Variants in LIN9 observed in about 807,000 individuals in gnomAD.
The protein encoded by LIN9 is protein lin-9 homolog.
Under a neutral mutation model 78.0 loss-of-function variants are expected in LIN9, and 18 were observed. The ratio of observed to expected loss-of-function variants is 0.23; its 90% CI spans 0.16 to 0.34. LIN9 has a LOEUF of 0.34. Ranked by LOEUF, LIN9 falls within the 10% of genes least tolerant of loss-of-function variation. LIN9 has a pLI of 1.00. For missense variants in LIN9, 451 were observed against 644.1 expected (o/e 0.70, Z 3.25); for synonymous variants, 192 against 215.2 (o/e 0.89, Z 0.94).
intron 12 of LIN9, among the ~76,000 whole-genome samples, chr1:226,234,137 C>T (rs1657531911): frequency 1.3e-5 from 2 of 152,232 alleles, no homozygotes; most frequent in South Asian, 4.2e-4. Flanking sequence ...TAAGTGTCTG[C>T]CAGATTTCCC....
chr1:226,303,641 T>C (rs1558211967), intron 1 of LIN9, among the ~76,000 whole-genome samples: 1 of 152,248 alleles, frequency 6.6e-6, no homozygotes. Context: ...AGTCTCACTC[T>C]GTCACCCAGG....
At chr1:226,266,392 A>C (rs570997801) in intron 8 of LIN9, 60 bp from the exon 9 acceptor site, 4 of 1,430,688 alleles carry the variant, frequency 2.8e-6, no homozygotes. Context: ...TAAGCTTTAT[A>C]ATCATTGTAT....
chr1:226,262,345 C>G (rs982038852), intron 10 of LIN9, among the ~76,000 whole-genome samples: 6 of 152,196 alleles, frequency 3.9e-5, no homozygotes, highest in Non-Finnish European at 8.8e-5. Flanking sequence ...AAAAGACAAG[C>G]CACAGACTGG....
intron 14 of LIN9, 25 bp downstream of exon 14, chr1:226,233,071 G>C: frequency 7.4e-7 from 1 of 1,348,638 alleles, no homozygotes; most frequent in South Asian, 1.3e-5. Context: ...ACATTAAAAT[G>C]ATTAGAGTAT....
upstream of LIN9, chr1:226,309,681 C>T (rs187594887): frequency 2.0e-5 from 26 of 1,283,360 alleles, no homozygotes; most frequent in African/African-American, 2.9e-4. Context: ...TTCCCGAGAC[C>T]GCCGGCCGCA....
intron 4 of LIN9, among the ~76,000 whole-genome samples, chr1:226,288,924 T>C (rs995554977): frequency 3.3e-5 from 5 of 151,938 alleles, no homozygotes; most frequent in Admixed American, 6.6e-5. Context: ...CATGGAAAAA[T>C]AAATGCACAA....
At chr1:226,300,142 T>C (rs1030543958) in intron 2 of LIN9, among the ~76,000 whole-genome samples, 1 of 152,116 alleles carries the variant, frequency 6.6e-6, no homozygotes, top group African/African-American at 2.4e-5. Flanking sequence ...TTCACCTTGT[T>C]AGCCAGGCTA....
At chr1:226,266,526 A>T (rs1420303562) in intron 8 of LIN9, among the ~76,000 whole-genome samples, 194 bp from the exon 9 acceptor site, 2 of 150,770 alleles carry the variant, frequency 1.3e-5, no homozygotes, top group African/African-American at 4.9e-5. Flanking sequence ...CTTGAAACAG[A>T]GTATGAAAAC....
chr1:226,263,520 TGTA>T (rs1443085844), intron 10 of LIN9, among the ~76,000 whole-genome samples: 3 of 152,132 alleles, frequency 2.0e-5, no homozygotes, highest in Admixed American at 2.0e-4. Flanking sequence ...TTAGACATAG[TGTA>T]GTAGTACTTA....
At position 226,231,869 on chromosome 1, in the gene LIN9, T is replaced by C. The variant is rs1657357798; in HGVS notation, c.*632A>G. On this transcript the variant is annotated 3_prime_UTR_variant, in exon 15 of 15. Transcript: ENST00000681046. ...TTTCAACAAACAACAAAGGTTTCTT[T>C]TATATGTTATGATAAATTAAAATAT... The C allele has an allele frequency of 6.9e-6, 2 of 291,704 alleles. No homozygotes were observed. The highest frequency in any genetic ancestry group is 5.0e-5 in the Admixed American group (1 of 20,146). 18.1% of individuals were successfully genotyped at this position (291,704 alleles called of 1,614,324 possible).
intron 10 of LIN9, among the ~76,000 whole-genome samples, chr1:226,254,950 G>A (rs1185477124): frequency 3.4e-5 from 5 of 147,256 alleles, no homozygotes; most frequent in African/African-American, 1.0e-4. Context: ...ACACTTCTTA[G>A]ATCTCTAAGA....
At chr1:226,302,170 G>A (rs1297696878) in intron 1 of LIN9, among the ~76,000 whole-genome samples, 2 of 152,166 alleles carry the variant, frequency 1.3e-5, no homozygotes, top group African/African-American at 4.8e-5. Context: ...TTCTGTTGCA[G>A]GTAACCCACT....
chr1:226,284,234 G>C (rs1303367168), intron 6 of LIN9, among the ~76,000 whole-genome samples: 4 of 152,022 alleles, frequency 2.6e-5, no homozygotes, highest in African/African-American at 9.7e-5. Context: ...ATCTGTGACT[G>C]TATCTGGATT....
At chr1:226,251,460 T>G (rs1315922520) in intron 10 of LIN9, among the ~76,000 whole-genome samples, 1 of 152,158 alleles carries the variant, frequency 6.6e-6, no homozygotes, top group African/African-American at 2.4e-5. Context: ...ACTCCTGACC[T>G]CAGATGATCC....
At chr1:226,242,656 A>G (rs750810036) in intron 11 of LIN9, among the ~76,000 whole-genome samples, 1 of 152,070 alleles carries the variant, frequency 6.6e-6, no homozygotes, top group Non-Finnish European at 1.5e-5. Context: ...TTTAAAATTA[A>G]TTTTTGCAAC....
intron 1 of LIN9, among the ~76,000 whole-genome samples, chr1:226,305,881 G>A (rs1662882639): frequency 6.6e-6 from 1 of 152,154 alleles, no homozygotes; most frequent in South Asian, 2.1e-4. Flanking sequence ...TGGGAAGGGG[G>A]CTGAATTAAT....
intron 5 of LIN9, 73 bp from the exon 6 acceptor site, chr1:226,286,531 ATGCTAAACTT>A: frequency 8.4e-7 from 1 of 1,183,488 alleles, no homozygotes; most frequent in Non-Finnish European, 1.2e-6. Context: ...AAATCACAAA[ATGCTAAACTT>A]TCACTTCTAC....
At chr1:226,275,363 A>C (rs932922833) in intron 7 of LIN9, among the ~76,000 whole-genome samples, 14 of 152,334 alleles carry the variant, frequency 9.2e-5, no homozygotes, top group African/African-American at 3.4e-4. Context: ...TGACCCCTGC[A>C]CTAGCCCAAA....
At chr1:226,252,372 AAGT>A (rs1658894219) in intron 10 of LIN9, among the ~76,000 whole-genome samples, 2 of 152,084 alleles carry the variant, frequency 1.3e-5, no homozygotes, top group African/African-American at 4.8e-5. Context: ...CCACCTGTAA[AAGT>A]AGTCACATAA....
Sources: allele counts gnomAD v4.1 joint callset (sites outside exome capture counted in the v4.1 genomes callset), GRCh38; gene constraint gnomAD v4.1.1; transcripts MANE v1.5; gene names NCBI Gene and HGNC (gene_info 2026-07-23, HGNC 2026-07-21).